Variants in CELF4 observed in about 807,000 individuals in gnomAD.
CELF4 encodes CUG-BP- and ETR-3-like factor 4.
Under a neutral mutation model 59.9 loss-of-function variants are expected in CELF4, and 18 were observed. The observed-to-expected ratio is 0.30, with a 90% CI of 0.21 to 0.45. CELF4 has a LOEUF of 0.45. Ranked by LOEUF, CELF4 falls within the 20% of genes least tolerant of loss-of-function variation. The pLI, the probability that CELF4 is intolerant of heterozygous loss-of-function variation, is 1.00. For missense variants in CELF4, 456 were observed against 689.0 expected (o/e 0.66, Z 3.79); for synonymous variants, 261 against 267.1 (o/e 0.98, Z 0.22).
chr18:37,561,452 TG>T (rs1737144988), intron 1 of CELF4, among the ~76,000 whole-genome samples: 1 of 152,214 alleles, frequency 6.6e-6, no homozygotes, highest in African/African-American at 2.4e-5. Flanking sequence ...TGGACTTAAA[TG>T]ACTTCAAAGA....
intron 1 of CELF4, among the ~76,000 whole-genome samples, chr18:37,489,282 A>C (rs1203110978): frequency 3.9e-5 from 6 of 152,258 alleles, no homozygotes; most frequent in Non-Finnish European, 8.8e-5. Flanking sequence ...TCCGGGGTTC[A>C]AAAGAAGGGA....
chr18:37,261,682 AG>A (rs1392921854), intron 10 of CELF4, among the ~76,000 whole-genome samples: 5 of 152,362 alleles, frequency 3.3e-5, no homozygotes, highest in African/African-American at 9.6e-5. Flanking sequence ...GCGGAGCTGC[AG>A]AGACAGAAAG....
intron 2 of CELF4, among the ~76,000 whole-genome samples, chr18:37,332,609 C>T (rs1176119537): frequency 6.6e-6 from 1 of 152,222 alleles, no homozygotes; most frequent in Non-Finnish European, 1.5e-5. Context: ...AAAGAGGTGC[C>T]CCTCACAGTG....
In CELF4 at chr18:37,275,245, T is replaced by C; in HGVS notation, c.449-2A>G. The C allele has an allele frequency of 6.2e-7, 1 of 1,612,886 alleles. No individual in the cohort carries two copies. Among genetic ancestry groups the C allele is most frequent in the Non-Finnish European group, 8.5e-7 (1 of 1,179,700 alleles). ...TGCCCACGAAGAGTTTTCTATCTTCTAGAACAAAATTAGGAGATGCTTACC... is the reference window on the plus strand; with the variant it reads ...TGCCCACGAAGAGTTTTCTATCTTCCAGAACAAAATTAGGAGATGCTTACC... On this transcript the variant is annotated splice_acceptor_variant, in intron 3 of 12. Transcript: ENST00000420428. LOFTEE classifies it high-confidence loss of function.
chr18:37,357,702 T>C (rs1217717991), intron 2 of CELF4, among the ~76,000 whole-genome samples: 1 of 152,138 alleles, frequency 6.6e-6, no homozygotes, highest in Non-Finnish European at 1.5e-5. Flanking sequence ...TGAAAGCAGC[T>C]GGAAGGGAGG....
chr18:37,553,397 C>A (rs1400445593), intron 1 of CELF4, among the ~76,000 whole-genome samples: 1 of 152,124 alleles, frequency 6.6e-6, no homozygotes, highest in African/African-American at 2.4e-5. Context: ...GAGTGTGCCA[C>A]GTGTGTGCGT....
chr18:37,556,630 C>A (rs1488123288), intron 1 of CELF4, among the ~76,000 whole-genome samples: 1 of 152,232 alleles, frequency 6.6e-6, no homozygotes, highest in East Asian at 1.9e-4. Flanking sequence ...GGTCAGTAGC[C>A]TCTATCAGCT....
chr18:37,382,502 G>A (rs1427877953), intron 2 of CELF4, among the ~76,000 whole-genome samples: 1 of 152,192 alleles, frequency 6.6e-6, no homozygotes, highest in Non-Finnish European at 1.5e-5. Context: ...CTGGGCACTG[G>A]AGAATGCAGA....
chr18:37,285,669 C>T (rs565215909), intron 3 of CELF4, among the ~76,000 whole-genome samples: 55 of 152,306 alleles, frequency 3.6e-4, no homozygotes, highest in African/African-American at 1.2e-3. Flanking sequence ...CTGTCCCCAC[C>T]TGCCCCCTTG....
chr18:37,546,224 A>G (rs1368678958), intron 1 of CELF4, among the ~76,000 whole-genome samples: 1 of 152,178 alleles, frequency 6.6e-6, no homozygotes, highest in Non-Finnish European at 1.5e-5. Flanking sequence ...GTCGCAGCCC[A>G]CACACACTTG....
At chr18:37,309,379 G>T (rs532151687) in intron 3 of CELF4, among the ~76,000 whole-genome samples, 233 of 152,320 alleles carry the variant, frequency 1.5e-3, no homozygotes, top group African/African-American at 5.5e-3. Flanking sequence ...CAGGGCTGCT[G>T]TAAGGCTCAA....
chr18:37,548,999 C>A (rs997724326), intron 1 of CELF4, among the ~76,000 whole-genome samples: 6 of 152,304 alleles, frequency 3.9e-5, no homozygotes, highest in Non-Finnish European at 8.8e-5. Flanking sequence ...GACCGTCCAC[C>A]GAACAGATGC....
At chr18:37,428,759 T>C (rs8089752) in intron 2 of CELF4, among the ~76,000 whole-genome samples, 39 of 152,256 alleles carry the variant, frequency 2.6e-4, no homozygotes, top group African/African-American at 7.9e-4. Flanking sequence ...AGGGCCCCCA[T>C]GTGTTCTGAG....
At chr18:37,280,002 C>A (rs753994936) in intron 3 of CELF4, among the ~76,000 whole-genome samples, 16 of 152,222 alleles carry the variant, frequency 1.1e-4, no homozygotes, top group Non-Finnish European at 1.9e-4. Flanking sequence ...ATCTGGGGTT[C>A]TGTGGAACAG....
intron 2 of CELF4, among the ~76,000 whole-genome samples, chr18:37,325,869 G>C (rs955104578): frequency 3.3e-5 from 5 of 152,188 alleles, no homozygotes; most frequent in African/African-American, 1.2e-4. Flanking sequence ...AGCCTTTGAG[G>C]GGCTTGTCAG....
intron 2 of CELF4, among the ~76,000 whole-genome samples, chr18:37,366,971 A>G (rs537321741): frequency 6.6e-6 from 1 of 152,146 alleles, no homozygotes; most frequent in East Asian, 1.9e-4. Flanking sequence ...AGAAAACACC[A>G]TTGAAAAAGC....
In CELF4 at chr18:37,266,331, A is replaced by G. The variant is rs2077512002; in HGVS notation, c.1165+202T>C. The stretch of plus-strand genomic sequence containing the variant: ...TGCCCACTTGCCTGAAGTTCTGCCC[A>G]ACCCCACTGCAGGGGCACTCTCGGT... On this transcript the variant is annotated intron_variant, in intron 9 of 12. Coordinates refer to ENST00000420428, the MANE Select transcript of CELF4 (RefSeq NM_020180.4). 6.4e-6 allele frequency: 4 copies of G among 626,482 alleles called. No individual in the cohort carries two copies. In the Admixed American group the frequency reaches 1.1e-4, roughly 17 times the overall value. 38.8% of individuals were successfully genotyped at this position (626,482 alleles called of 1,614,324 possible). A position where few individuals can be genotyped will look rare whatever the true frequency, so the allele number is the denominator to read the frequency against.
chr18:37,353,027 C>T (rs919913730), intron 2 of CELF4, among the ~76,000 whole-genome samples: 3 of 152,012 alleles, frequency 2.0e-5, no homozygotes, highest in African/African-American at 4.8e-5. Flanking sequence ...CGAGACCATC[C>T]TGGCTAACAC....
intron 2 of CELF4, among the ~76,000 whole-genome samples, chr18:37,437,669 G>A (rs2099697450): frequency 6.6e-6 from 1 of 152,212 alleles, no homozygotes; most frequent in African/African-American, 2.4e-5. Context: ...ACACATCCAG[G>A]CAGGTGGGCA....
Sources: allele counts gnomAD v4.1 joint callset (sites outside exome capture counted in the v4.1 genomes callset), GRCh38; gene constraint gnomAD v4.1.1; transcripts MANE v1.5; gene names NCBI Gene and HGNC (gene_info 2026-07-23, HGNC 2026-07-21).